GSE1: variants seen among roughly 807,000 people sequenced by gnomAD.
The protein encoded by GSE1 is genetic suppressor element 1.
GSE1 carries 32 observed loss-of-function variants against 112.6 expected under a neutral mutation model. The observed-to-expected ratio is 0.28, with a 90% confidence interval of 0.21 to 0.38. The LOEUF (loss-of-function observed/expected upper bound fraction) is 0.38. GSE1 is among the 10% of genes least tolerant of loss of function. The pLI is 1.00. For missense variants in GSE1, 2,348 were observed against 1,699.2 expected (o/e 1.38, Z -6.71); for synonymous variants, 1,115 against 735.6 (o/e 1.52, Z -8.35).
At chr16:85,415,636 C>G (rs2048686862) in intron 2 of GSE1, among the ~76,000 whole-genome samples, 1 of 152,244 alleles carries the variant, frequency 6.6e-6, no homozygotes, top group Non-Finnish European at 1.5e-5. Flanking sequence ...GGGATCTGCT[C>G]TGTTTGGAAG....
rs142485822 is a variant in GSE1, at chr16:85,666,334, G to A, written c.3117G>A (p.Leu1039=). The A allele has an allele frequency of 3.9e-3, 6,367 of 1,613,742 alleles. 22 individuals are homozygous for A. Among genetic ancestry groups the A allele is most frequent in the Non-Finnish European group, 4.6e-3 (5,435 of 1,180,050 alleles). Residue 1039 remains leucine (L), a synonymous_variant, in exon 13 of 16, where the codon CTG becomes CTA. Transcript: ENST00000253458. ...TGCTGCAGTCCACCCAGAAGGCCCT[G>A]CAGAAGCATAAAGGTAATGAGGCTG... ...ESVLQSTQKA[L]QKHKGSVAVL... is the part of the protein sequence containing the mutation.
chr16:85,672,536 G>C lies in GSE1; in HGVS notation c.3651G>C (p.Arg1217Ser). ...WPRGYLKGYP[R>S] ...GGGGCTACCTGAAGGGATATCCCAGGTGACGGTTTCCCTTGCACTAGGCCG... is the reference window on the plus strand; with the variant it reads ...GGGGCTACCTGAAGGGATATCCCAGCTGACGGTTTCCCTTGCACTAGGCCG... The change falls in exon 16 of 16, where the codon AGG becomes AGC. Residue 1217 changes from arginine (R) to serine (S), a missense_variant. Physicochemically the swap from Arg to Ser is moderately radical, Grantham distance 110 (BLOSUM62 -1). Coordinates refer to ENST00000253458, the MANE Select transcript of GSE1 (RefSeq NM_014615.5). The C allele has an allele frequency of 6.2e-7, 1 of 1,602,896 alleles. No homozygotes were observed. Among genetic ancestry groups the C allele is most frequent in the Non-Finnish European group, 8.5e-7 (1 of 1,171,370 alleles).
chr16:85,574,883 C>G (rs973908492), intron 1 of GSE1, among the ~76,000 whole-genome samples: 6 of 152,202 alleles, frequency 3.9e-5, no homozygotes, highest in Admixed American at 1.3e-4. Flanking sequence ...ATATTGGGAT[C>G]TGCGCTCCAG....
chr16:85,348,483 CTCTT>C (rs2046788716), intron 1 of GSE1, among the ~76,000 whole-genome samples: 3 of 152,212 alleles, frequency 2.0e-5, no homozygotes, highest in Admixed American at 6.5e-5. Flanking sequence ...CAGGTCCCAG[CTCTT>C]TCTTGGTCAC....
In GSE1 at chr16:85,661,705, C is replaced by T. The variant is rs765265161; in HGVS notation, c.2200C>T (p.Arg734Trp). ...YIYDEFLQQRRRLVSKLDLEE... is the reference protein window; with the variant it reads ...YIYDEFLQQRWRLVSKLDLEE... Reference sequence around the variant, plus strand: ...CTATGATGAGTTCCTGCAGCAGCGCCGGAGGCTGGTCAGCAAGCTGGACCT... The same window carrying T: ...CTATGATGAGTTCCTGCAGCAGCGCTGGAGGCTGGTCAGCAAGCTGGACCT... Residue 734 changes from arginine (R) to tryptophan (W), a missense_variant, in exon 9 of 16, where the codon CGG (arginine) becomes TGG (tryptophan). Transcript: ENST00000253458. 15 of 1,599,026 alleles carry T rather than the reference C, an allele frequency of 9.4e-6. No individual in the cohort carries two copies. Among genetic ancestry groups the T allele is most frequent in the Middle Eastern group, 1.8e-4 (1 of 5,512 alleles).
chr16:85,382,958 T>G (rs1163766877), intron 2 of GSE1, among the ~76,000 whole-genome samples: 1 of 145,902 alleles, frequency 6.9e-6, no homozygotes, highest in African/African-American at 2.6e-5. Flanking sequence ...TGCACACACG[T>G]GCACACACAT....
At chr16:85,569,319 G>T (rs1018689860) in intron 1 of GSE1, among the ~76,000 whole-genome samples, 2 of 152,198 alleles carry the variant, frequency 1.3e-5, no homozygotes, top group South Asian at 4.1e-4. Context: ...AAGCAACCGT[G>T]ACCTACCACT....
At chr16:85,269,283 T>C (rs1334424434) in intron 1 of GSE1, among the ~76,000 whole-genome samples, 2 of 149,492 alleles carry the variant, frequency 1.3e-5, no homozygotes, top group African/African-American at 4.8e-5. Flanking sequence ...GCATCCCACG[T>C]CCTTCCCCTG....
At chr16:85,639,881 C>T (rs944553606) in intron 2 of GSE1, among the ~76,000 whole-genome samples, 30 of 152,310 alleles carry the variant, frequency 2.0e-4, no homozygotes, top group African/African-American at 6.5e-4. Flanking sequence ...CCAAGGCGGC[C>T]GGGGGCGGAG....
chr16:85,668,276 G>T lies in GSE1; in HGVS notation c.3267G>T (p.Arg1089Ser), dbSNP rs1349394045. 1 of 1,613,414 alleles carries T rather than the reference G, an allele frequency of 6.2e-7. No individual in the cohort carries two copies. The highest frequency in any genetic ancestry group is 1.7e-5 in the Admixed American group (1 of 60,018). The change falls in exon 14 of 16, where the codon AGG (arginine) becomes AGT (serine). Residue 1089 changes from arginine (R) to serine (S), a missense_variant. Arg to Ser is a moderately radical substitution (Grantham distance 110). Coordinates refer to ENST00000253458, the MANE Select transcript of GSE1 (RefSeq NM_014615.5). ...HNGQQEPPTA[R>S]KGPPTQELDR... ...GGCAGCAGGAGCCCCCCACTGCAAG[G>T]AAGGGCCCCCCAACCCAGGAGTTGG... is the stretch of plus-strand genomic sequence containing the variant.
chr16:85,395,771 T>G (rs1425770183), intron 2 of GSE1, among the ~76,000 whole-genome samples: 3 of 152,122 alleles, frequency 2.0e-5, no homozygotes, highest in Non-Finnish European at 4.4e-5. Context: ...CCCGCCTGCC[T>G]CCTCCCGCCG....
In GSE1 at chr16:85,332,783, C is replaced by T. The variant is rs117103702; in HGVS notation, c.2284-24680C>T. Among the ~76,000 whole-genome samples the T allele has an allele frequency of 5.9e-3, 904 of 152,306 alleles. 5 individuals carry two copies. The highest frequency in any genetic ancestry group is 8.4e-3 in the Non-Finnish European group (571 of 68,024). On this transcript the variant is annotated intron_variant, in intron 1 of 2. Coordinates refer to the GSE1 transcript ENST00000637419. ...TCCCTCTGAAACGCCCTTTCTCCCC[C>T]TCCAGCCTCTTCTCTCCTCAGAGTC...
chr16:85,393,234 A>C (rs2047886204), intron 2 of GSE1, among the ~76,000 whole-genome samples: 1 of 152,126 alleles, frequency 6.6e-6, no homozygotes, highest in Admixed American at 6.5e-5. Flanking sequence ...ACGCCACTTC[A>C]CTCCAGCCTG....
In GSE1 at chr16:85,474,650, G is replaced by GC. The variant is rs373529096; in HGVS notation, c.2464+117014dup. On this transcript the variant is annotated intron_variant, in intron 2 of 2. Coordinates refer to the GSE1 transcript ENST00000637419. ...ACCACCTCCCTCTCTCTTTCCTCTT[G>GC]CCCCCCCTCTTCCCCCTCCTCTCCT... Among the ~76,000 whole-genome samples the GC allele has an allele frequency of 2.6e-4, 25 of 94,478 alleles. 1 individual carries two copies. Among genetic ancestry groups the GC allele is most frequent in the South Asian group, 1.6e-3 (5 of 3,158 alleles). 62.0% of individuals were successfully genotyped at this position (94,478 alleles called of 152,430 possible). A position where few individuals can be genotyped will look rare whatever the true frequency, so the allele number is the denominator to read the frequency against.
chr16:85,255,847 C>G (rs758866897), intron 1 of GSE1, among the ~76,000 whole-genome samples: 1 of 152,074 alleles, frequency 6.6e-6, no homozygotes, highest in African/African-American at 2.4e-5. Context: ...CATGACCATG[C>G]CTGGCTCATT....
chr16:85,382,092 T>G (rs1180976976), intron 2 of GSE1, among the ~76,000 whole-genome samples: 1 of 152,230 alleles, frequency 6.6e-6, no homozygotes, highest in Non-Finnish European at 1.5e-5. Context: ...GCTCCTCCGC[T>G]GTGATCAATC....
intron 1 of GSE1, among the ~76,000 whole-genome samples, chr16:85,280,654 C>T (rs950770109): frequency 6.6e-6 from 1 of 152,218 alleles, no homozygotes; most frequent in African/African-American, 2.4e-5. Flanking sequence ...CCTCAGCCTC[C>T]CAAAGTGCTG....
chr16:85,539,379 G>A (rs2044442432), intron 2 of GSE1, among the ~76,000 whole-genome samples: 1 of 152,176 alleles, frequency 6.6e-6, no homozygotes, highest in African/African-American at 2.4e-5. Flanking sequence ...CAGGGGTGAG[G>A]GAACCTAATT....
At chr16:85,658,522 C>G (rs2052164342) in intron 8 of GSE1, among the ~76,000 whole-genome samples, 1 of 152,222 alleles carries the variant, frequency 6.6e-6, no homozygotes, top group African/African-American at 2.4e-5. Flanking sequence ...GGTTTAAAAT[C>G]TGTCCTCCCT....
Sources: allele counts gnomAD v4.1 joint callset (sites outside exome capture counted in the v4.1 genomes callset), GRCh38; gene constraint gnomAD v4.1.1; transcripts MANE v1.5; gene names NCBI Gene and HGNC (gene_info 2026-07-23, HGNC 2026-07-21).